CAB39L: variants seen among roughly 807,000 people sequenced by gnomAD.
The protein encoded by CAB39L is calcium-binding protein 39-like.
A neutral mutation model predicts 39.1 loss-of-function variants in CAB39L; 23 were observed. That is an observed-to-expected ratio of 0.59 (90% CI 0.42 to 0.83). CAB39L has a LOEUF of 0.83. Ranked by LOEUF, CAB39L falls within the 40% of genes least tolerant of loss-of-function variation. CAB39L has a pLI of 0.00. For missense variants in CAB39L, 366 were observed against 391.9 expected (o/e 0.93, Z 0.56); for synonymous variants, 126 against 137.2 (o/e 0.92, Z 0.57).
chr13:49,341,260 CTT>C (rs200675554), intron 8 of CAB39L, among the ~76,000 whole-genome samples: 1 of 146,404 alleles, frequency 6.8e-6, no homozygotes, highest in Non-Finnish European at 1.5e-5. Flanking sequence ...TTTTCTTTTT[CTT>C]TTTTTTTTTG....
At chr13:49,361,585 G>C (rs1436154913) in intron 5 of CAB39L, among the ~76,000 whole-genome samples, 4 of 139,348 alleles carry the variant, frequency 2.9e-5, no homozygotes, top group Non-Finnish European at 4.7e-5. Flanking sequence ...AAGAAAGAAA[G>C]AGAGAAAGTC....
intron 1 of CAB39L, among the ~76,000 whole-genome samples, chr13:49,442,787 C>CAA (rs71078844): frequency 0.012 from 1,273 of 103,380 alleles, 58 homozygotes; most frequent in Non-Finnish European, 0.018. Flanking sequence ...GACTCCATCT[C>CAA]AAAAAAAAAA....
intron 8 of CAB39L, among the ~76,000 whole-genome samples, 170 bp downstream of exon 8, chr13:49,344,009 T>C (rs926751108): frequency 4.6e-5 from 7 of 152,186 alleles, no homozygotes; most frequent in Non-Finnish European, 1.0e-4. Flanking sequence ...TCCTGCCATC[T>C]CAATTTTCCA....
At chr13:49,333,255 TA>T (rs147328454) in intron 9 of CAB39L, among the ~76,000 whole-genome samples, 1 of 152,350 alleles carries the variant, frequency 6.6e-6, no homozygotes, top group East Asian at 1.9e-4. Flanking sequence ...GTCAAACTGT[TA>T]ATCTGCAACC....
intron 10 of CAB39L, among the ~76,000 whole-genome samples, chr13:49,313,728 A>G (rs1954070394): frequency 6.6e-6 from 1 of 152,162 alleles, no homozygotes; most frequent in Non-Finnish European, 1.5e-5. Flanking sequence ...TCTGAGCCCT[A>G]CAGAGCTCTC....
intron 3 of CAB39L, among the ~76,000 whole-genome samples, chr13:49,383,538 A>C (rs1956292409): frequency 6.6e-6 from 1 of 152,222 alleles, no homozygotes; most frequent in African/African-American, 2.4e-5. Flanking sequence ...TTTTAAAAAG[A>C]AGCCAAATGC....
chr13:49,334,172 A>G (rs2138402815), intron 9 of CAB39L, among the ~76,000 whole-genome samples: 1 of 152,244 alleles, frequency 6.6e-6, no homozygotes, highest in South Asian at 2.1e-4. Flanking sequence ...CAGCTGACCT[A>G]CTACCACAGC....
chr13:49,335,784 T>C (rs541976345), intron 9 of CAB39L, among the ~76,000 whole-genome samples: 209 of 152,294 alleles, frequency 1.4e-3, no homozygotes, highest in Middle Eastern at 3.4e-3. Context: ...CTCTGTCACA[T>C]GATGGAAAGG....
intron 10 of CAB39L, among the ~76,000 whole-genome samples, chr13:49,321,718 C>A (rs1376650120): frequency 6.6e-6 from 1 of 152,196 alleles, no homozygotes; most frequent in Non-Finnish European, 1.5e-5. Flanking sequence ...TGGGGTCAAG[C>A]TATAATCACG....
At chr13:49,431,355 T>C (rs1957320908) in intron 3 of CAB39L, among the ~76,000 whole-genome samples, 1 of 152,224 alleles carries the variant, frequency 6.6e-6, no homozygotes, top group African/African-American at 2.4e-5. Context: ...TACCACAATT[T>C]TGTTATTCAA....
At chr13:49,378,545 CA>C (rs1956159864) in intron 4 of CAB39L, among the ~76,000 whole-genome samples, 1 of 65,728 alleles carries the variant, frequency 1.5e-5, no homozygotes, top group Non-Finnish European at 3.1e-5. Flanking sequence ...ATGGGGGGGT[CA>C]GCCCCCCCAC....
chr13:49,331,068 A>G (rs991102463), intron 10 of CAB39L, among the ~76,000 whole-genome samples: 10 of 152,170 alleles, frequency 6.6e-5, no homozygotes, highest in African/African-American at 2.4e-4. Context: ...AAAACTCTGG[A>G]ATGTGTGCAC....
intron 5 of CAB39L, among the ~76,000 whole-genome samples, chr13:49,371,189 C>CCTTT (rs1555258807): frequency 4.9e-5 from 5 of 102,242 alleles, no homozygotes; most frequent in Non-Finnish European, 8.1e-5. Flanking sequence ...CTTTTTCTTT[C>CCTTT]TTTTTTTTTT....
intron 1 of CAB39L, among the ~76,000 whole-genome samples, chr13:49,440,440 T>G (rs1957490932): frequency 6.6e-6 from 1 of 152,138 alleles, no homozygotes; most frequent in Non-Finnish European, 1.5e-5. Flanking sequence ...GGCTCTCTAT[T>G]CTGCTCCATT....
chr13:49,354,100 T>C (rs911878916), intron 6 of CAB39L, among the ~76,000 whole-genome samples: 3 of 152,210 alleles, frequency 2.0e-5, no homozygotes, highest in African/African-American at 2.4e-5. Context: ...CTTTTGGGTA[T>C]AATTAGTTCT....
intron 3 of CAB39L, among the ~76,000 whole-genome samples, chr13:49,406,333 A>ATTTTTT (rs34078174): frequency 3.3e-5 from 3 of 90,606 alleles, no homozygotes; most frequent in Non-Finnish European, 6.5e-5. Flanking sequence ...ATGCCCAGCT[A>ATTTTTT]TTTTTTTTTT....
chr13:49,326,491 C>T (rs545788506), intron 10 of CAB39L, among the ~76,000 whole-genome samples: 111 of 152,248 alleles, frequency 7.3e-4, no homozygotes, highest in African/African-American at 2.4e-3. Context: ...TGAGAGTCAG[C>T]CATTAACAAT....
intron 1 of CAB39L, among the ~76,000 whole-genome samples, chr13:49,440,294 A>C (rs1319559861): frequency 1.3e-5 from 2 of 152,024 alleles, no homozygotes; most frequent in African/African-American, 2.4e-5. Flanking sequence ...ATGTGGTGTA[A>C]GGTAGAAGCC....
chr13:49,380,651 G>GT (rs2138584783), intron 4 of CAB39L, among the ~76,000 whole-genome samples: 1 of 152,138 alleles, frequency 6.6e-6, no homozygotes, highest in South Asian at 2.1e-4. Context: ...GAATTATATG[G>GT]TATGTTAATT....
Sources: allele counts gnomAD v4.1 joint callset (sites outside exome capture counted in the v4.1 genomes callset), GRCh38; gene constraint gnomAD v4.1.1; transcripts MANE v1.5; gene names NCBI Gene and HGNC (gene_info 2026-07-23, HGNC 2026-07-21).